The following CRYBG1 variants were observed in gnomAD, a reference collection of about 807,000 sequenced individuals.
CRYBG1 encodes beta/gamma crystallin domain-containing protein 1.
CRYBG1 carries 139 observed loss-of-function variants against 189.2 expected under a neutral mutation model. That is an observed-to-expected ratio of 0.73 (90% CI 0.64 to 0.85). The LOEUF is 0.85. Among genes scored for constraint, CRYBG1 ranks in the 40% least tolerant of loss-of-function variants. The probability of loss-of-function intolerance (pLI) is 0.00; values close to 1 mark genes in which losing one functional copy is unlikely to be tolerated. For synonymous variants in CRYBG1, 1,023 were observed against 1,017.1 expected (o/e 1.01, Z -0.11); for missense variants, 2,611 against 2,675.8 (o/e 0.98, Z 0.53).
intron 1 of CRYBG1, among the ~76,000 whole-genome samples, chr6:106,386,631 C>A (rs1288955320): frequency 6.6e-6 from 1 of 152,200 alleles, no homozygotes; most frequent in African/African-American, 2.4e-5. Context: ...GCATTAGATT[C>A]TCATAAGGAG....
chr6:106,453,336 T>C (rs2114440771), intron 2 of CRYBG1, among the ~76,000 whole-genome samples: 1 of 152,298 alleles, frequency 6.6e-6, no homozygotes, highest in Non-Finnish European at 1.5e-5. Flanking sequence ...TAACTCAAAA[T>C]AGCATAATAT....
chr6:106,448,245 G>A (rs534064874), intron 1 of CRYBG1, among the ~76,000 whole-genome samples: 64 of 152,278 alleles, frequency 4.2e-4, no homozygotes, highest in African/African-American at 1.4e-3. Flanking sequence ...TCTGGATCTG[G>A]GTCACGAGGA....
In CRYBG1 at chr6:106,361,077, G is replaced by C. The variant is rs749827537; in HGVS notation, c.169G>C (p.Ala57Pro). The change falls in exon 1 of 22, where the codon GCC (alanine) becomes CCC (proline). Residue 57 changes from alanine to proline, a missense_variant. Ala to Pro is a conservative substitution (Grantham distance 27). Around this residue, in one of 3 missense-constraint regions of CRYBG1, gnomAD observed 985 missense variants for 924.4 expected, o/e 1.07. Coordinates refer to ENST00000633556, the MANE Select transcript of CRYBG1 (RefSeq NM_001371242.2). ...CCCGCTCCCGGCGCCTGCCGGAGAG[G>C]CCAGGTGAGCTCCTCGCCCGAGCCC... ...PHPLPAPAGE[A>P]RALDVVDGKY... The C allele has an allele frequency of 5.2e-5, 80 of 1,534,664 alleles. No homozygotes were observed. The highest frequency in any genetic ancestry group is 7.9e-5 in the Admixed American group (4 of 50,914).
At chr6:106,537,987 A>T (rs9486389) in intron 8 of CRYBG1, among the ~76,000 whole-genome samples, 1 of 152,166 alleles carries the variant, frequency 6.6e-6, no homozygotes, top group African/African-American at 2.4e-5. Context: ...AGAAGAAAAA[A>T]GCAAAGAGGG....
At chr6:106,544,956 A>G in intron 13 of CRYBG1, 23 bp downstream of exon 13, 2 of 1,585,374 alleles carry the variant, frequency 1.3e-6, no homozygotes, top group Non-Finnish European at 1.7e-6. Context: ...ATCCAGTTGG[A>G]ATTTTAAACA....
At chr6:106,509,645 TG>T (rs1163220368) in intron 2 of CRYBG1, among the ~76,000 whole-genome samples, 1 of 151,556 alleles carries the variant, frequency 6.6e-6, no homozygotes, top group Non-Finnish European at 1.5e-5. Context: ...GAGCTGACTC[TG>T]GGGGGTGGGT....
rs1416213463 is a variant in CRYBG1, at chr6:106,519,389, G to A, written c.2181G>A (p.Glu727=). The A allele has an allele frequency of 3.1e-6, 5 of 1,614,098 alleles. 1 individual carries two copies. The South Asian group carries it at 4.4e-5, about 14-fold the overall frequency. Reference sequence around the variant, plus strand: ...TAGCCAAAAAAGCCAAAGAAATGGAGCAACCTGAAAAGAAAGTAATGCCAA... The same window carrying A: ...TAGCCAAAAAAGCCAAAGAAATGGAACAACCTGAAAAGAAAGTAATGCCAA... ...LNLAKKAKEM[E]QPEKKVMPNS... The change falls in exon 4 of 22, where the codon GAG becomes GAA. Residue 727 remains glutamate (E), a synonymous_variant. Coordinates refer to ENST00000633556, the MANE Select transcript of CRYBG1 (RefSeq NM_001371242.2).
intron 9 of CRYBG1, 145 bp downstream of exon 9, chr6:106,539,674 G>A: frequency 1.2e-6 from 1 of 810,042 alleles, no homozygotes; most frequent in Non-Finnish European, 1.8e-6. Flanking sequence ...AGAAATCATG[G>A]AAAGAATAAC....
chr6:106,514,574 A>G (rs1161999109), intron 3 of CRYBG1, among the ~76,000 whole-genome samples: 1 of 152,192 alleles, frequency 6.6e-6, no homozygotes, highest in African/African-American at 2.4e-5. Context: ...GATGCCTATT[A>G]TTTATAGAAG....
At chr6:106,365,424 C>G (rs1771967329) in intron 1 of CRYBG1, among the ~76,000 whole-genome samples, 1 of 142,410 alleles carries the variant, frequency 7.0e-6, no homozygotes, top group African/African-American at 2.6e-5. Context: ...GAGACTCTGT[C>G]TCAAAAAAAG....
chr6:106,519,179 T>A lies in CRYBG1; in HGVS notation c.1971T>A (p.Asn657Lys). ...HVELNLKTPK[N>K]LDSLGNEHNP... Reference sequence around the variant, plus strand: ...AACTAAATCTTAAAACCCCTAAGAATCTTGACAGTTTGGGAAATGAGCACA... The same window carrying A: ...AACTAAATCTTAAAACCCCTAAGAAACTTGACAGTTTGGGAAATGAGCACA... Residue 657 changes from asparagine to lysine, a missense_variant, in exon 4 of 22, where the codon AAT becomes AAA. Transcript: ENST00000633556. 1 of 1,614,092 alleles carries A rather than the reference T, an allele frequency of 6.2e-7. No homozygotes were observed. The highest frequency in any genetic ancestry group is 8.5e-7 in the Non-Finnish European group (1 of 1,180,026).
chr6:106,419,953 G>A (rs10485149), intron 1 of CRYBG1, among the ~76,000 whole-genome samples: 17,830 of 152,222 alleles, frequency 0.12, 1,122 homozygotes, highest in African/African-American at 0.15. Context: ...GATCTAATCA[G>A]CTTGGCTCTC....
At chr6:106,530,669 G>T (rs1047700985) in intron 8 of CRYBG1, among the ~76,000 whole-genome samples, 2 of 89,758 alleles carry the variant, frequency 2.2e-5, no homozygotes, top group Admixed American at 1.1e-4. Flanking sequence ...GATATTTCTG[G>T]GGGGGGATGG....
chr6:106,560,741 A>G (rs1205537321), intron 18 of CRYBG1, 62 bp from the exon 19 acceptor site: 15 of 1,554,080 alleles, frequency 9.7e-6, no homozygotes, highest in Non-Finnish European at 1.3e-5. Context: ...CTAAAAATAA[A>G]TGTAATTGGG....
chr6:106,448,409 A>T (rs1771710902), intron 1 of CRYBG1, among the ~76,000 whole-genome samples: 1 of 152,184 alleles, frequency 6.6e-6, no homozygotes, highest in South Asian at 2.1e-4. Flanking sequence ...CACCTCCTCT[A>T]GCCACTGAAA....
chr6:106,515,707 G>A (rs1012706614), intron 3 of CRYBG1, among the ~76,000 whole-genome samples: 1 of 152,030 alleles, frequency 6.6e-6, no homozygotes, highest in South Asian at 2.1e-4. Context: ...GTATCTTATG[G>A]AGATATTGGG....
At chr6:106,373,143 C>T (rs1000621900) in intron 1 of CRYBG1, among the ~76,000 whole-genome samples, 3 of 152,204 alleles carry the variant, frequency 2.0e-5, no homozygotes, top group African/African-American at 7.2e-5. Context: ...ATGCACCCTA[C>T]TTGGTCCCAT....
chr6:106,457,719 C>T (rs1361856896), intron 2 of CRYBG1, among the ~76,000 whole-genome samples: 1 of 152,122 alleles, frequency 6.6e-6, no homozygotes. Context: ...CATTTCACAC[C>T]ACCCCACTCT....
intron 13 of CRYBG1, among the ~76,000 whole-genome samples, chr6:106,545,955 C>G (rs1676024): frequency 0.82 from 124,685 of 152,180 alleles, 51,774 homozygotes; most frequent in South Asian, 0.95. Flanking sequence ...GCTGGGATTA[C>G]AGGCATGAGC....
Sources: allele counts gnomAD v4.1 joint callset (sites outside exome capture counted in the v4.1 genomes callset), GRCh38; gene constraint gnomAD v4.1.1; regional missense constraint gnomAD v4.1.1; transcripts MANE v1.5; gene names NCBI Gene and HGNC (gene_info 2026-07-23, HGNC 2026-07-21).